Variants in CACNB4 observed in about 807,000 individuals in gnomAD.
CACNB4 encodes voltage-dependent L-type calcium channel subunit beta-4.
CACNB4 carries 32 observed loss-of-function variants against 71.2 expected under a neutral mutation model. That is an observed-to-expected ratio of 0.45 (90% CI 0.34 to 0.60). CACNB4 has a LOEUF of 0.60. Ranked by LOEUF, CACNB4 falls within the 20% of genes least tolerant of loss-of-function variation. The pLI is 0.01. For synonymous variants in CACNB4, 231 were observed against 236.9 expected, an observed-to-expected ratio of 0.97 and a Z score of 0.23; for missense variants, 464 against 647.9, an observed-to-expected ratio of 0.72 and a Z score of 3.08.
intron 13 of CACNB4, 25 bp downstream of exon 13, chr2:151,841,878 A>C (rs1406577287): frequency 6.2e-7 from 1 of 1,607,704 alleles, no homozygotes; most frequent in African/African-American, 1.3e-5. Context: ...GGTTGTAAAA[A>C]GCATGAGTGA....
At chr2:152,090,353 T>C (rs1236904176) in intron 2 of CACNB4, among the ~76,000 whole-genome samples, 1 of 152,176 alleles carries the variant, frequency 6.6e-6, no homozygotes, top group Non-Finnish European at 1.5e-5. Context: ...TATAATTTTC[T>C]AGAAAAATTA....
intron 2 of CACNB4, among the ~76,000 whole-genome samples, chr2:152,078,090 G>A (rs1168122349): frequency 6.6e-6 from 1 of 152,136 alleles, no homozygotes; most frequent in East Asian, 1.9e-4. Context: ...CTGGGCTTGG[G>A]ATGGCTTTTT....
chr2:152,049,583 C>T (rs897674608), intron 2 of CACNB4, among the ~76,000 whole-genome samples: 7 of 152,052 alleles, frequency 4.6e-5, no homozygotes, highest in Non-Finnish European at 8.8e-5. Flanking sequence ...CTCTTTCCTT[C>T]TTTCCTTTTT....
At chr2:151,863,474 C>A (rs1438681726) in intron 9 of CACNB4, among the ~76,000 whole-genome samples, 3 of 152,152 alleles carry the variant, frequency 2.0e-5, no homozygotes, top group Non-Finnish European at 2.9e-5. Context: ...TGACGAGAGA[C>A]AAGTCGGTGG....
chr2:151,847,582 G>A (rs2099837926), intron 12 of CACNB4, among the ~76,000 whole-genome samples: 2 of 152,098 alleles, frequency 1.3e-5, no homozygotes, highest in African/African-American at 4.8e-5. Flanking sequence ...TAGACTCTAA[G>A]TTGAAGGGCT....
At chr2:151,856,747 C>G (rs2099840423) in intron 10 of CACNB4, 1 of 152,264 alleles carries the variant, frequency 6.6e-6, no homozygotes. Context: ...GGGTCTCACT[C>G]TGTGTCCCAT....
At chr2:151,957,257 C>CGTGTATGTGTATGTGTGTGTGTGT (rs3068823) in intron 2 of CACNB4, among the ~76,000 whole-genome samples, 1 of 131,788 alleles carries the variant, frequency 7.6e-6, no homozygotes, top group Non-Finnish European at 1.6e-5. Flanking sequence ...AGTGGCTGGG[C>CGTGTATGTGTATGTGTGTGTGTGT]GTGTGTGTGT....
chr2:151,853,634 T>C, intron 11 of CACNB4, 91 bp from the exon 12 acceptor site: 1 of 702,590 alleles, frequency 1.4e-6, no homozygotes, highest in Non-Finnish European at 2.4e-6. Context: ...TGCTTGGCCC[T>C]GAGTATTATC....
At chr2:152,014,560 A>G (rs1246843025) in intron 2 of CACNB4, among the ~76,000 whole-genome samples, 2 of 151,932 alleles carry the variant, frequency 1.3e-5, no homozygotes, top group African/African-American at 4.8e-5. Flanking sequence ...GTGAAACCCC[A>G]TCTCTACTAA....
chr2:151,987,021 C>T (rs965123074), intron 2 of CACNB4, among the ~76,000 whole-genome samples: 19 of 152,244 alleles, frequency 1.2e-4, no homozygotes, highest in African/African-American at 3.1e-4. Flanking sequence ...ACAACCAGTG[C>T]GCTGTTGGGT....
chr2:152,000,921 G>C (rs1394594418), intron 2 of CACNB4, among the ~76,000 whole-genome samples: 5 of 152,130 alleles, frequency 3.3e-5, no homozygotes, highest in African/African-American at 9.7e-5. Flanking sequence ...CGCCCCAGAG[G>C]CCTCCTCATG....
chr2:152,031,669 C>CCCGG (rs1331348383), intron 2 of CACNB4, among the ~76,000 whole-genome samples: 1 of 152,156 alleles, frequency 6.6e-6, no homozygotes, highest in African/African-American at 2.4e-5. Context: ...ATCAGCCCCT[C>CCCGG]CCGGCCGCCA....
chr2:151,956,373 A>T (rs1163197794), intron 2 of CACNB4, among the ~76,000 whole-genome samples: 2 of 152,256 alleles, frequency 1.3e-5, no homozygotes, highest in Admixed American at 1.3e-4. Context: ...CAAAGAAATG[A>T]AATGCTGATA....
intron 2 of CACNB4, among the ~76,000 whole-genome samples, chr2:152,084,912 C>A (rs941827753): frequency 6.6e-6 from 1 of 151,842 alleles, no homozygotes; most frequent in Non-Finnish European, 1.5e-5. Flanking sequence ...GGCGTGATTA[C>A]GGGCATAATG....
At chr2:152,073,864 T>G (rs1686841753) in intron 2 of CACNB4, among the ~76,000 whole-genome samples, 1 of 152,106 alleles carries the variant, frequency 6.6e-6, no homozygotes, top group African/African-American at 2.4e-5. Flanking sequence ...CCTCATCTAA[T>G]GAGGAAATGT....
At position 151,927,722 on chromosome 2, in the gene CACNB4, C is replaced by T. The variant is rs557376990; in HGVS notation, c.148-44352G>A. Among the ~76,000 whole-genome samples, 115 of 152,284 alleles carry T rather than the reference C, an allele frequency of 7.6e-4. 2 individuals are homozygous for T. Among genetic ancestry groups the T allele is most frequent in the Admixed American group, 1.1e-3 (17 of 15,304 alleles). ...CCCAAGTCTTATCCAGCTGCAGCAACGCAGGTGCTGAGTAGGTGGAGGGTT... is the reference window on the plus strand; with the variant it reads ...CCCAAGTCTTATCCAGCTGCAGCAATGCAGGTGCTGAGTAGGTGGAGGGTT... On this transcript the variant is annotated intron_variant, in intron 2 of 13. Coordinates refer to ENST00000539935, the MANE Select transcript of CACNB4 (RefSeq NM_000726.5).
intron 12 of CACNB4, among the ~76,000 whole-genome samples, chr2:151,849,935 C>T (rs2151339896): frequency 6.6e-6 from 1 of 152,216 alleles, no homozygotes; most frequent in Non-Finnish European, 1.5e-5. Context: ...CAGCTACACC[C>T]ATTTGTTTAC....
intron 2 of CACNB4, among the ~76,000 whole-genome samples, chr2:151,917,111 C>CA (rs1270276741): frequency 1.3e-5 from 2 of 151,708 alleles, no homozygotes; most frequent in Non-Finnish European, 1.5e-5. Flanking sequence ...TCCTTTAAAA[C>CA]AAATGCTTCA....
At chr2:152,005,979 T>C (rs1476895413) in intron 2 of CACNB4, among the ~76,000 whole-genome samples, 1 of 152,270 alleles carries the variant, frequency 6.6e-6, no homozygotes, top group Non-Finnish European at 1.5e-5. Context: ...ATCATTAGTA[T>C]TCTACTCCAC....
Sources: gnomAD v4.1 joint callset for allele counts (sites outside exome capture counted in the v4.1 genomes callset) on GRCh38, gnomAD v4.1.1 for gene constraint, MANE v1.5 for transcripts, NCBI Gene and HGNC (gene_info 2026-07-23, HGNC 2026-07-21) for gene names.